Variants in NDNF observed in about 807,000 individuals in gnomAD.
NDNF encodes the protein neuron derived neurotrophic factor.
In NDNF, 16 loss-of-function variants were observed where a neutral mutation model predicts 42.0. The observed-to-expected ratio is 0.38, with a 90% confidence interval of 0.26 to 0.58. The LOEUF is 0.58. Among genes scored for constraint, NDNF ranks in the 20% least tolerant of loss-of-function variants. NDNF has a pLI of 0.67. For synonymous variants in NDNF, 248 were observed against 251.7 expected (o/e 0.99, Z 0.14); for missense variants, 616 against 666.2 (o/e 0.92, Z 0.83).
chr4:121,038,807 T>C (rs146728201), intron 3 of NDNF: 1 of 151,916 alleles, frequency 6.6e-6, no homozygotes, highest in Non-Finnish European at 1.5e-5. Flanking sequence ...GGCAAAATAG[T>C]GAAACCCTAT....
intron 1 of NDNF, among the ~76,000 whole-genome samples, chr4:121,069,599 A>G (rs917660174): frequency 6.6e-6 from 1 of 152,236 alleles, no homozygotes; most frequent in East Asian, 1.9e-4. Context: ...GGTTTAATGA[A>G]TAAAATGTCC....
rs376739357 is a variant in NDNF at position 121,036,636 on chromosome 4, G to C, written c.1335C>G (p.Pro445=). ...ATTRPTKQSF[P]SLPEDTRIKA... is the part of the protein sequence containing the mutation. ...TGATTCTTGTGTCTTCAGGAAGAGA[G>C]GGAAATGACTGCTTAGTAGGCCTTG... is the stretch of plus-strand genomic sequence containing the variant. Residue 445 remains proline (P), a synonymous_variant, in exon 4 of 4, where the codon CCC becomes CCG. Transcript: ENST00000379692. The C allele has an allele frequency of 1.2e-6, 2 of 1,614,166 alleles. No homozygotes were observed. The highest frequency in any genetic ancestry group is 1.7e-6 in the Non-Finnish European group (2 of 1,180,010).
intron 1 of NDNF, among the ~76,000 whole-genome samples, chr4:121,048,603 G>T (rs1019704295): frequency 9.2e-5 from 14 of 152,208 alleles, no homozygotes; most frequent in African/African-American, 2.9e-4. Context: ...ACTTTGGGAG[G>T]CCAAGGCAGG....
At chr4:121,049,189 G>A (rs930105568) in intron 1 of NDNF, among the ~76,000 whole-genome samples, 3 of 152,294 alleles carry the variant, frequency 2.0e-5, no homozygotes, top group African/African-American at 7.2e-5. Flanking sequence ...AGTGTTGGGA[G>A]GCAATTCTCC....
chr4:121,070,531 G>A (rs1167162274), intron 1 of NDNF, among the ~76,000 whole-genome samples: 1 of 152,008 alleles, frequency 6.6e-6, no homozygotes, highest in Non-Finnish European at 1.5e-5. Context: ...GATTCCCTCC[G>A]TCAGAAAAGA....
chr4:121,059,553 G>A (rs115745481), intron 1 of NDNF, among the ~76,000 whole-genome samples: 3,561 of 152,298 alleles, frequency 0.023, 163 homozygotes, highest in African/African-American at 0.081. Flanking sequence ...TACAGTGATG[G>A]CATGTGCTGG....
At chr4:121,063,702 G>A (rs1263065687) in intron 1 of NDNF, among the ~76,000 whole-genome samples, 1 of 152,088 alleles carries the variant, frequency 6.6e-6, no homozygotes, top group Admixed American at 6.6e-5. Context: ...GGGTGTCGGG[G>A]GGGCCATGGG....
In NDNF at chr4:121,036,562, A is replaced by C; in HGVS notation, c.1409T>G (p.Leu470Arg). Residue 470 changes from leucine (L) to arginine (R), a missense_variant, in exon 4 of 4, where the codon CTA (leucine) becomes CGA (arginine). By Grantham distance (102) the Leu-to-Arg change is moderately radical. Coordinates refer to ENST00000379692, the MANE Select transcript of NDNF (RefSeq NM_024574.4). Reference protein sequence around the residue: ...RTCSSATVAWLGTQERNKFCI... With the variant: ...RTCSSATVAWRGTQERNKFCI... Reference sequence around the variant, plus strand: ...AAACTTGTTCCTTTCCTGAGTGCCTAGCCAAGCCACGGTGGCTGAGGAACA... The same window carrying C: ...AAACTTGTTCCTTTCCTGAGTGCCTCGCCAAGCCACGGTGGCTGAGGAACA... 6.2e-7 allele frequency: 1 copy of C among 1,614,094 alleles called. No homozygotes were observed. Among genetic ancestry groups the C allele is most frequent in the Non-Finnish European group, 8.5e-7 (1 of 1,179,990 alleles).
At chr4:121,045,440 G>A (rs535446489) in intron 2 of NDNF, among the ~76,000 whole-genome samples, 1 of 151,762 alleles carries the variant, frequency 6.6e-6, no homozygotes, top group Non-Finnish European at 1.5e-5. Context: ...CCTCCTACAC[G>A]CAAAAGGAGA....
At chr4:121,039,149 A>ACG (rs1726935300) in intron 3 of NDNF, among the ~76,000 whole-genome samples, 1 of 41,104 alleles carries the variant, frequency 2.4e-5, no homozygotes, top group Non-Finnish European at 8.4e-5. Flanking sequence ...ATATGTGTAT[A>ACG]TATATATGTA....
chr4:121,050,195 A>G (rs1328212781), intron 1 of NDNF, among the ~76,000 whole-genome samples: 2 of 152,240 alleles, frequency 1.3e-5, no homozygotes, highest in Non-Finnish European at 2.9e-5. Context: ...ATTTTTCCCT[A>G]ACAATAAAAT....
intron 3 of NDNF, among the ~76,000 whole-genome samples, chr4:121,039,325 G>A (rs1457405193): frequency 1.4e-5 from 2 of 148,128 alleles, no homozygotes; most frequent in Non-Finnish European, 3.0e-5. Flanking sequence ...GAGCTTTCAG[G>A]GTGCCATACA....
chr4:121,070,491 G>C (rs560931629), intron 1 of NDNF, among the ~76,000 whole-genome samples: 8 of 152,228 alleles, frequency 5.3e-5, no homozygotes, highest in African/African-American at 1.4e-4. Flanking sequence ...CTCAGGGACC[G>C]GGTGGGAGGA....
At position 121,036,047 on chromosome 4, in the gene NDNF, G is replaced by T. The variant is rs75596922; in HGVS notation, c.*217C>A. 2.2e-6 allele frequency: 1 copy of T among 452,088 alleles called. No homozygotes were observed. Among genetic ancestry groups the T allele is most frequent in the Non-Finnish European group, 3.9e-6 (1 of 258,896 alleles). The allele number at this position is 452,088 out of a possible 1,614,324, so 28.0% of individuals were successfully genotyped here. On this transcript the variant is annotated 3_prime_UTR_variant, in exon 4 of 4. Coordinates refer to ENST00000379692, the MANE Select transcript of NDNF (RefSeq NM_024574.4). ...AAGCCCTCTATCTTTGACACCAACCGGCATCAGACACACACTAGGTACCAT... is the reference window on the plus strand; with the variant it reads ...AAGCCCTCTATCTTTGACACCAACCTGCATCAGACACACACTAGGTACCAT...
chr4:121,064,487 A>T (rs1439690960), intron 1 of NDNF, among the ~76,000 whole-genome samples: 1 of 152,248 alleles, frequency 6.6e-6, no homozygotes, highest in Non-Finnish European at 1.5e-5. Flanking sequence ...TGTTGGATGG[A>T]ACTTTTTAAA....
chr4:121,057,067 G>A (rs879635256), intron 1 of NDNF, among the ~76,000 whole-genome samples: 5 of 152,188 alleles, frequency 3.3e-5, no homozygotes, highest in East Asian at 1.9e-4. Flanking sequence ...TCTTGAGCTC[G>A]TAGAGCTTAT....
chr4:121,071,477 C>T (rs1727598771), intron 1 of NDNF: 1 of 152,122 alleles, frequency 6.6e-6, no homozygotes, highest in Admixed American at 6.5e-5. Context: ...GCCCTACACG[C>T]AGACGCCCTC....
chr4:121,061,020 C>T (rs1346183527), intron 1 of NDNF, among the ~76,000 whole-genome samples: 2 of 152,278 alleles, frequency 1.3e-5, no homozygotes, highest in South Asian at 2.1e-4. Flanking sequence ...ACTCTTTCCA[C>T]GCCCTGGAAA....
intron 1 of NDNF, among the ~76,000 whole-genome samples, chr4:121,062,011 C>G (rs922081353): frequency 6.6e-6 from 1 of 152,154 alleles, no homozygotes; most frequent in Non-Finnish European, 1.5e-5. Flanking sequence ...TATTTATCTT[C>G]AAATAGTGTA....
Sources: gnomAD v4.1 joint callset for allele counts (sites outside exome capture counted in the v4.1 genomes callset) on GRCh38, gnomAD v4.1.1 for gene constraint, MANE v1.5 for transcripts, NCBI Gene and HGNC (gene_info 2026-07-23, HGNC 2026-07-21) for gene names.